Variants in MEIS1 observed in about 807,000 individuals in gnomAD.
The protein encoded by MEIS1 is homeobox protein Meis1.
A neutral mutation model predicts 50.8 loss-of-function variants in MEIS1; 5 were observed. The observed-to-expected ratio is 0.10, with a 90% CI of 0.05 to 0.21. The LOEUF (loss-of-function observed/expected upper bound fraction) is 0.21, where lower values mean the gene tolerates loss of function less well. MEIS1 is among the 10% of genes least tolerant of loss of function. The pLI, the probability that MEIS1 is intolerant of heterozygous loss-of-function variation, is 1.00. For missense variants in MEIS1, 318 were observed against 517.3 expected, an observed-to-expected ratio of 0.61 and a Z score of 3.74; for synonymous variants, 176 against 179.3, an observed-to-expected ratio of 0.98 and a Z score of 0.15.
At chr2:66,548,249 A>G (rs1674837285) in intron 9 of MEIS1, among the ~76,000 whole-genome samples, 1 of 152,224 alleles carries the variant, frequency 6.6e-6, no homozygotes, top group South Asian at 2.1e-4. Flanking sequence ...TTTTATGCAT[A>G]GTATAAGTAT....
chr2:66,439,737 A>G, intron 2 of MEIS1, 106 bp from the exon 3 acceptor site: 1 of 1,593,776 alleles, frequency 6.3e-7, no homozygotes, highest in African/African-American at 1.3e-5. Context: ...ACAATCGGAG[A>G]GGGGGTCTGT....
chr2:66,440,927 C>T, intron 4 of MEIS1: 1 of 427,738 alleles, frequency 2.3e-6, no homozygotes, highest in Non-Finnish European at 4.1e-6. Context: ...TTAAACTTTG[C>T]GGACTTCCTA....
At chr2:66,437,132 T>C (rs1326093389) in intron 1 of MEIS1, among the ~76,000 whole-genome samples, 2 of 152,180 alleles carry the variant, frequency 1.3e-5, no homozygotes, top group East Asian at 1.9e-4. Context: ...TTATAAGGGG[T>C]CAGTTAGTTT....
chr2:66,490,569 G>A (rs1284632545), intron 7 of MEIS1, among the ~76,000 whole-genome samples: 1 of 152,160 alleles, frequency 6.6e-6, no homozygotes, highest in Non-Finnish European at 1.5e-5. Context: ...AAGTGTCAAA[G>A]GGAAAGGGTG....
intron 7 of MEIS1, among the ~76,000 whole-genome samples, chr2:66,486,027 T>C (rs1673134783): frequency 6.6e-6 from 1 of 152,222 alleles, no homozygotes; most frequent in East Asian, 1.9e-4. Context: ...ATTGCAAAAA[T>C]CTTCTCCCAT....
At chr2:66,556,354 A>G (rs1675065011) in intron 9 of MEIS1, among the ~76,000 whole-genome samples, 2 of 152,216 alleles carry the variant, frequency 1.3e-5, no homozygotes, top group African/African-American at 2.4e-5. Context: ...CTATGGTTGA[A>G]GAAGGGGAAA....
At chr2:66,455,122 T>C (rs77239076) in intron 6 of MEIS1, among the ~76,000 whole-genome samples, 190 of 152,316 alleles carry the variant, frequency 1.2e-3, no homozygotes, top group Middle Eastern at 3.4e-3. Flanking sequence ...AAAACATAGA[T>C]ACTTTTACTA....
At chr2:66,525,986 G>T (rs758999760) in intron 8 of MEIS1, among the ~76,000 whole-genome samples, 1 of 152,224 alleles carries the variant, frequency 6.6e-6, no homozygotes, top group African/African-American at 2.4e-5. Flanking sequence ...GGAGAACTGC[G>T]TTTGTGCCTC....
intron 6 of MEIS1, among the ~76,000 whole-genome samples, chr2:66,448,011 A>G (rs1672192775): frequency 1.3e-5 from 2 of 152,142 alleles, no homozygotes; most frequent in East Asian, 1.9e-4. Flanking sequence ...TTCTTCCCCC[A>G]CCAGAATGAC....
chr2:66,537,739 G>C (rs1384122021), intron 8 of MEIS1, among the ~76,000 whole-genome samples: 1 of 152,108 alleles, frequency 6.6e-6, no homozygotes, highest in Non-Finnish European at 1.5e-5. Flanking sequence ...CATCTTCCTT[G>C]TCTTTCTACT....
chr2:66,535,382 A>C (rs1572886326), intron 8 of MEIS1, among the ~76,000 whole-genome samples: 1 of 152,218 alleles, frequency 6.6e-6, no homozygotes, highest in African/African-American at 2.4e-5. Flanking sequence ...AAAGTCTTAA[A>C]AAAAAGCCCA....
At position 66,464,207 on chromosome 2, in the gene MEIS1, C is replaced by T; in HGVS notation, c.729C>T (p.Asn243=). The T allele has an allele frequency of 1.3e-6, 2 of 1,596,704 alleles. No individual in the cohort carries two copies. The highest frequency in any genetic ancestry group is 1.7e-6 in the Non-Finnish European group (2 of 1,171,606). ...GCCACACGTCACACAGTGGGGACAA[C>T]AGCAGTGAGCAAGGTAGGAGAGATG... ...SGGHTSHSGD[N]SSEQGDGLDN... The change falls in exon 7 of 13, where the codon AAC becomes AAT. Residue 243 remains asparagine (N), a synonymous_variant. Coordinates refer to ENST00000272369, the MANE Select transcript of MEIS1 (RefSeq NM_002398.3).
At chr2:66,480,322 G>T (rs746835254) in intron 7 of MEIS1, among the ~76,000 whole-genome samples, 7 of 152,106 alleles carry the variant, frequency 4.6e-5, no homozygotes, top group Non-Finnish European at 7.3e-5. Context: ...ATGAAAATGT[G>T]GTCTACTAAC....
intron 6 of MEIS1, among the ~76,000 whole-genome samples, chr2:66,454,544 T>C (rs1378206366): frequency 1.3e-5 from 2 of 152,064 alleles, no homozygotes; most frequent in Non-Finnish European, 2.9e-5. Flanking sequence ...CTTGTTGCTT[T>C]CGGGATGTTA....
intron 7 of MEIS1, among the ~76,000 whole-genome samples, chr2:66,464,938 A>C (rs1672600067): frequency 6.6e-6 from 1 of 152,218 alleles, no homozygotes; most frequent in Admixed American, 6.5e-5. Context: ...ACTGCTTTTC[A>C]TGAGAGCCCG....
chr2:66,443,309 CTTTAT>C (rs1672045366), intron 6 of MEIS1: 3 of 443,214 alleles, frequency 6.8e-6, no homozygotes, highest in South Asian at 3.4e-5. Flanking sequence ...TAATTTTTGT[CTTTAT>C]TTTATTTACC....
At chr2:66,542,562 T>G (rs1246377301) in intron 8 of MEIS1, among the ~76,000 whole-genome samples, 1 of 152,226 alleles carries the variant, frequency 6.6e-6, no homozygotes, top group East Asian at 1.9e-4. Flanking sequence ...TGTAACATTT[T>G]GCTTGAAAAT....
intron 7 of MEIS1, 148 bp from the exon 8 acceptor site, chr2:66,512,001 A>G: frequency 1.0e-6 from 1 of 977,820 alleles, no homozygotes; most frequent in Non-Finnish European, 1.4e-6. Flanking sequence ...TCTGTCTTGG[A>G]AAACAAAACA....
intron 8 of MEIS1, among the ~76,000 whole-genome samples, chr2:66,534,697 A>G (rs183638513): frequency 6.6e-6 from 1 of 152,186 alleles, no homozygotes; most frequent in African/African-American, 2.4e-5. Flanking sequence ...TCATTTAGGA[A>G]GGGAAAACTA....
Sources: gnomAD v4.1 joint callset for allele counts (sites outside exome capture counted in the v4.1 genomes callset) on GRCh38, gnomAD v4.1.1 for gene constraint, MANE v1.5 for transcripts, NCBI Gene and HGNC (gene_info 2026-07-23, HGNC 2026-07-21) for gene names.